TECPR1: variants seen among roughly 807,000 people sequenced by gnomAD.
The protein encoded by TECPR1 is tectonin beta-propeller repeat-containing protein 1.
TECPR1 carries 122 observed loss-of-function variants against 162.4 expected under a neutral mutation model. That is an observed-to-expected ratio of 0.75 (90% CI 0.65 to 0.87). The LOEUF (loss-of-function observed/expected upper bound fraction) is 0.87. Ranked by LOEUF, TECPR1 falls within the 40% of genes least tolerant of loss-of-function variation. The pLI is 0.00. For synonymous variants in TECPR1, 642 were observed against 670.6 expected, an observed-to-expected ratio of 0.96 and a Z score of 0.66; for missense variants, 1,432 against 1,618.2, an observed-to-expected ratio of 0.88 and a Z score of 1.97.
chr7:98,220,258 C>T (rs948722158), intron 23 of TECPR1, among the ~76,000 whole-genome samples: 6 of 151,800 alleles, frequency 4.0e-5, no homozygotes, highest in South Asian at 2.1e-4. Flanking sequence ...ACAGAAGAAT[C>T]GCTTGAACCT....
intron 6 of TECPR1, among the ~76,000 whole-genome samples, chr7:98,242,576 A>C (rs1419668705): frequency 5.5e-5 from 8 of 146,694 alleles, no homozygotes; most frequent in Non-Finnish European, 1.0e-4. Context: ...CCACCCACCC[A>C]TCCATCCACC....
intron 15 of TECPR1, among the ~76,000 whole-genome samples, chr7:98,230,621 C>T (rs902853594): frequency 5.3e-5 from 8 of 152,176 alleles, no homozygotes; most frequent in African/African-American, 1.9e-4. Context: ...GGTCTGTGCC[C>T]TGGGCAGGTG....
chr7:98,242,002 C>T (rs1463446677), intron 6 of TECPR1, among the ~76,000 whole-genome samples: 1 of 152,196 alleles, frequency 6.6e-6, no homozygotes, highest in African/African-American at 2.4e-5. Flanking sequence ...AGCCCCTGTT[C>T]TCCCCTCTCT....
At chr7:98,223,887 C>T (rs1422423650) in intron 19 of TECPR1, 169 bp from the exon 20 acceptor site, 10 of 667,052 alleles carry the variant, frequency 1.5e-5, no homozygotes, top group Admixed American at 2.6e-5. Context: ...TCAGGAGGCG[C>T]TTCCTGGCTG....
At position 98,215,443 on chromosome 7, in the gene TECPR1, T is replaced by C. The variant is rs1234616717; in HGVS notation, c.*1947A>G. 3.3e-5 allele frequency: 5 copies of C among 152,266 alleles called. No individual in the cohort carries two copies. The highest frequency in any genetic ancestry group is 2.0e-4 in the Admixed American group (3 of 15,292). 9.4% of individuals were successfully genotyped at this position (152,266 alleles called of 1,614,324 possible). Reference sequence around the variant, plus strand: ...ACAAAAATAAAAGATTTCACAGCAATGTCTGCTTCAGGCACACGGGGAACC... The same window carrying C: ...ACAAAAATAAAAGATTTCACAGCAACGTCTGCTTCAGGCACACGGGGAACC... On this transcript the variant is annotated 3_prime_UTR_variant, in exon 26 of 26. Coordinates refer to ENST00000447648, the MANE Select transcript of TECPR1 (RefSeq NM_015395.3).
Position 98,216,679 on chromosome 7 carries a change from C to CGGG in TECPR1, c.*710_*711insCCC, listed in dbSNP as rs1798016792. ...TCAAACGATTCTCCTGCCTCAGCCT[C>CGGG]CCGAGTAGCTGGGATTACAGGCACC... On this transcript the variant is annotated 3_prime_UTR_variant, in exon 26 of 26. Transcript: ENST00000447648. 6.6e-6 allele frequency: 1 copy of CGGG among 151,754 alleles called. No individual in the cohort carries two copies. The highest frequency in any genetic ancestry group is 1.5e-5 in the Non-Finnish European group (1 of 67,998). The allele number at this position is 151,754 out of a possible 1,614,324, so 9.4% of individuals were successfully genotyped here.
At chr7:98,250,856 G>A (rs1314378899) in intron 2 of TECPR1, 1 of 152,200 alleles carries the variant, frequency 6.6e-6, no homozygotes, top group African/African-American at 2.4e-5. Context: ...ACAGTGAAAG[G>A]GAGGGGTGGG....
Position 98,225,024 on chromosome 7 carries a change from C to T in TECPR1, c.2592G>A (p.Pro864=), listed in dbSNP as rs1298993719. 1.1e-5 allele frequency: 17 copies of T among 1,553,320 alleles called. No individual in the cohort carries two copies. The highest frequency in any genetic ancestry group is 2.7e-5 in the African/African-American group (2 of 73,032). ...QECTKAGTKP[P]SLQWAWVSDW... is the part of the protein sequence containing the mutation. ...ACCTCACCCAGGCCCACTGCAGGGA[C>T]GGGGGCTTCGTGCCAGCCTTCGTGC... The change falls in exon 18 of 26, where the codon CCG becomes CCA. Residue 864 remains proline (P), a synonymous_variant. Coordinates refer to ENST00000447648, the MANE Select transcript of TECPR1 (RefSeq NM_015395.3).
rs1491158748 is a variant in TECPR1 at position 98,217,546 on chromosome 7, AGG to A, written c.3385-45_3385-44del. ...TGTCACCAGGGGACTCGGGGACTCG[AGG>A]ATCCTGGAGGGGATCTGCCTGGGGG... is the stretch of plus-strand genomic sequence containing the variant. On this transcript the variant is annotated intron_variant, in intron 25 of 25. Transcript: ENST00000447648. 481 of 38,968 alleles carry A rather than the reference AGG, an allele frequency of 0.012. 4 individuals carry two copies. The East Asian group carries it at 0.46, about 37-fold the overall frequency. 2.4% of individuals were successfully genotyped at this position (38,968 alleles called of 1,614,324 possible). A position where few individuals can be genotyped will look rare whatever the true frequency, so the allele number is the denominator to read the frequency against.
intron 19 of TECPR1, 145 bp downstream of exon 19, chr7:98,224,656 G>A (rs1798229502): frequency 1.3e-6 from 1 of 774,004 alleles, no homozygotes; most frequent in East Asian, 2.8e-5. Flanking sequence ...CCCTCCAGTA[G>A]CAGGGCTGGC....
chr7:98,229,106 C>T lies in TECPR1; in HGVS notation c.2343G>A (p.Val781=), dbSNP rs1224138249. Residue 781 remains valine (V), a synonymous_variant, in exon 16 of 26, where the codon GTG becomes GTA. Transcript: ENST00000447648. ...CCGTGTGGTCATAGCCGATGCCCCA[C>T]ACCACGCCCCGGCTGTTGGCCTCCA... is the stretch of plus-strand genomic sequence containing the variant. ...RMVEANSRGV[V]WGIGYDHTAW... 1 of 1,575,292 alleles carries T rather than the reference C, an allele frequency of 6.3e-7. No individual in the cohort carries two copies. Among genetic ancestry groups the T allele is most frequent in the Non-Finnish European group, 8.6e-7 (1 of 1,161,406 alleles).
chr7:98,227,366 T>C (rs1798302334), intron 17 of TECPR1, among the ~76,000 whole-genome samples: 1 of 145,668 alleles, frequency 6.9e-6, no homozygotes, highest in Admixed American at 7.1e-5. Flanking sequence ...CACTCCAGCC[T>C]GGGCGACAGG....
intron 8 of TECPR1, among the ~76,000 whole-genome samples, chr7:98,239,248 CTAT>C (rs1341669380): frequency 6.6e-6 from 1 of 152,184 alleles, no homozygotes; most frequent in Non-Finnish European, 1.5e-5. Flanking sequence ...AGACCTTGTG[CTAT>C]TAGAATGCCT....
chr7:98,229,645 C>G (rs1798369301), intron 15 of TECPR1, among the ~76,000 whole-genome samples: 1 of 146,546 alleles, frequency 6.8e-6, no homozygotes, highest in Non-Finnish European at 1.5e-5. Context: ...GGAGGCGGTG[C>G]CAGCACAGCA....
At position 98,228,068 on chromosome 7, in the gene TECPR1, C is replaced by T. The variant is rs918850345; in HGVS notation, c.2459G>A (p.Cys820Tyr). The T allele has an allele frequency of 1.9e-6, 3 of 1,613,050 alleles. No individual in the cohort carries two copies. The highest frequency in any genetic ancestry group is 8.5e-7 in the Non-Finnish European group (1 of 1,179,632). ...GCGCTGGTTCTCATAGATGTGAACA[C>T]ACTTCACGTCTGACTGCGTGTAGAT... The part of the protein sequence containing the change: ...SNIYTQSDVK[C>Y]VHIYENQRWN... Residue 820 changes from cysteine to tyrosine, a missense_variant, in exon 17 of 26, where the codon TGT becomes TAT. Physicochemically the swap from Cys to Tyr is radical, Grantham distance 194. Coordinates refer to ENST00000447648, the MANE Select transcript of TECPR1 (RefSeq NM_015395.3).
At chr7:98,223,781 C>G (rs1798205315) in intron 19 of TECPR1, 63 bp from the exon 20 acceptor site, 1 of 1,556,720 alleles carries the variant, frequency 6.4e-7, no homozygotes, top group Non-Finnish European at 8.9e-7. Context: ...AGGGACCGTG[C>G]ATGTAAACAT....
At position 98,221,769 on chromosome 7, in the gene TECPR1, T is replaced by A; in HGVS notation, c.3065-16A>T. The A allele has an allele frequency of 6.2e-7, 1 of 1,607,350 alleles. No individual in the cohort carries two copies. Among genetic ancestry groups the A allele is most frequent in the Non-Finnish European group, 8.5e-7 (1 of 1,175,876 alleles). On this transcript the variant is annotated splice_polypyrimidine_tract_variant and intron_variant, in intron 22 of 25. Coordinates refer to ENST00000447648, the MANE Select transcript of TECPR1 (RefSeq NM_015395.3). ...CAGCAGTCACCTGCGAAGGGGAGGC[T>A]GACTCAGGCACGCTGCCTTCTCCTC...
rs535962312 is a variant in TECPR1 at position 98,244,951 on chromosome 7, C to A, written c.342G>T (p.Pro114=). The change falls in exon 4 of 26, where the codon CCG becomes CCT. Residue 114 remains proline (P), a synonymous_variant. Coordinates refer to ENST00000447648, the MANE Select transcript of TECPR1 (RefSeq NM_015395.3). ...RPLDRVALPS[P]HWEWESDWYV... Reference sequence around the variant, plus strand: ...ACCAGTCAGACTCCCACTCCCAGTGCGGCGAGGGCAGTGCCACCCTGTCCA... The same window carrying A: ...ACCAGTCAGACTCCCACTCCCAGTGAGGCGAGGGCAGTGCCACCCTGTCCA... The A allele has an allele frequency of 8.7e-6, 14 of 1,612,864 alleles. No individual in the cohort carries two copies. The highest frequency in any genetic ancestry group is 6.7e-5 in the Admixed American group (4 of 60,002).
chr7:98,222,600 G>A, intron 21 of TECPR1, 79 bp from the exon 22 acceptor site: 1 of 1,500,180 alleles, frequency 6.7e-7, no homozygotes, highest in African/African-American at 1.4e-5. Context: ...AGCAGAAATG[G>A]GCCTAGCGCG....
Sources: allele counts gnomAD v4.1 joint callset (sites outside exome capture counted in the v4.1 genomes callset), GRCh38; gene constraint gnomAD v4.1.1; transcripts MANE v1.5; gene names NCBI Gene and HGNC (gene_info 2026-07-23, HGNC 2026-07-21).